Variants in RBFOX1 observed in about 807,000 individuals in gnomAD.
The protein encoded by RBFOX1 is RNA binding fox-1 homolog 1.
Under a neutral mutation model 57.7 loss-of-function variants are expected in RBFOX1, and 8 were observed. That is an observed-to-expected ratio of 0.14 (90% CI 0.08 to 0.25). RBFOX1 has a LOEUF of 0.25. Among genes scored for constraint, RBFOX1 ranks in the 10% least tolerant of loss-of-function variants. The probability of loss-of-function intolerance (pLI) is 1.00; values close to 1 mark genes in which losing one functional copy is unlikely to be tolerated. For synonymous variants in RBFOX1, 326 were observed against 222.4 expected, an observed-to-expected ratio of 1.47 and a Z score of -4.15; for missense variants, 611 against 548.5, an observed-to-expected ratio of 1.11 and a Z score of -1.14.
chr16:7,701,065 G>A (rs2148134477), intron 14 of RBFOX1, among the ~76,000 whole-genome samples: 1 of 152,248 alleles, frequency 6.6e-6, no homozygotes, highest in East Asian at 1.9e-4. Flanking sequence ...ACTTCTCAGG[G>A]GAGGCAGGGA....
intron 3 of RBFOX1, among the ~76,000 whole-genome samples, chr16:6,790,308 C>T (rs770795154): frequency 6.6e-6 from 1 of 151,798 alleles, no homozygotes; most frequent in Non-Finnish European, 1.5e-5. Flanking sequence ...CCTCAGCTTA[C>T]CGAGTAGCTG....
intron 2 of RBFOX1, among the ~76,000 whole-genome samples, chr16:6,540,692 G>C (rs931710570): frequency 2.7e-5 from 4 of 149,872 alleles, no homozygotes; most frequent in African/African-American, 9.8e-5. Flanking sequence ...TGTGGTGTCT[G>C]TGTTGACAAA....
At chr16:6,937,284 G>A (rs1470120199) in intron 3 of RBFOX1, among the ~76,000 whole-genome samples, 5 of 152,052 alleles carry the variant, frequency 3.3e-5, no homozygotes, top group African/African-American at 1.2e-4. Context: ...GACCAACACT[G>A]TTTCCTTTTT....
chr16:5,700,074 T>G (rs1039089941), intron 3 of RBFOX1, among the ~76,000 whole-genome samples: 5 of 152,160 alleles, frequency 3.3e-5, no homozygotes, highest in Admixed American at 3.3e-4. Flanking sequence ...CCTCATGATC[T>G]GCCCGCCTTG....
intron 3 of RBFOX1, among the ~76,000 whole-genome samples, chr16:5,730,408 G>A (rs2151559022): frequency 6.6e-6 from 1 of 152,298 alleles, no homozygotes; most frequent in East Asian, 1.9e-4. Flanking sequence ...AGGGTCTGTA[G>A]AGGGCATGGA....
chr16:7,557,518 G>T (rs1601752097), intron 5 of RBFOX1, among the ~76,000 whole-genome samples: 2 of 149,876 alleles, frequency 1.3e-5, no homozygotes, highest in East Asian at 3.9e-4. Flanking sequence ...TACTCGAGAG[G>T]CTGAGGCAGG....
chr16:6,658,211 C>G (rs73529844), intron 3 of RBFOX1, among the ~76,000 whole-genome samples: 1 of 151,860 alleles, frequency 6.6e-6, no homozygotes, highest in Non-Finnish European at 1.5e-5. Flanking sequence ...AGAAGATAAA[C>G]TGTGAATTTC....
At chr16:5,470,321 G>C (rs2069091918) in intron 2 of RBFOX1, among the ~76,000 whole-genome samples, 2 of 152,198 alleles carry the variant, frequency 1.3e-5, no homozygotes, top group Non-Finnish European at 2.9e-5. Context: ...CTCACCTAGA[G>C]GGACCAAATG....
At chr16:6,945,521 A>G (rs1308453925) in intron 3 of RBFOX1, among the ~76,000 whole-genome samples, 1 of 151,880 alleles carries the variant, frequency 6.6e-6, no homozygotes, top group Non-Finnish European at 1.5e-5. Context: ...GGAAAACACT[A>G]CCTGACCATG....
At chr16:6,553,957 G>A (rs1458505857) in intron 2 of RBFOX1, among the ~76,000 whole-genome samples, 4 of 152,148 alleles carry the variant, frequency 2.6e-5, no homozygotes, top group South Asian at 2.1e-4. Context: ...CCAGAGGGCA[G>A]GTACCAGGGT....
At chr16:6,572,948 G>C (rs8056378) in intron 2 of RBFOX1, among the ~76,000 whole-genome samples, 140,353 of 152,200 alleles carry the variant, frequency 0.92, 65,813 homozygotes, top group Non-Finnish European at 1. Context: ...TGGGAACTTA[G>C]CAGTGAACAA....
At chr16:6,058,772 C>T (rs932902926) in intron 1 of RBFOX1, among the ~76,000 whole-genome samples, 6 of 151,522 alleles carry the variant, frequency 4.0e-5, no homozygotes, top group Non-Finnish European at 7.4e-5. Context: ...CATTCATTCA[C>T]CCACCCACCC....
At chr16:6,588,801 C>T (rs1345275089) in intron 2 of RBFOX1, among the ~76,000 whole-genome samples, 1 of 152,196 alleles carries the variant, frequency 6.6e-6, no homozygotes, top group Non-Finnish European at 1.5e-5. Context: ...AGTTCAACTT[C>T]AGCACTTTGT....
Position 6,795,492 on chromosome 16 carries a change from G to A in RBFOX1, c.-16+140842G>A, listed in dbSNP as rs182670402. ...CTTAAAGAGAGACATTGTTGGCTGC[G>A]CACGTTGGCTCACGTCTGTAATCCC... is the stretch of plus-strand genomic sequence containing the variant. On this transcript the variant is annotated intron_variant, in intron 3 of 15. Transcript: ENST00000550418. 2.0e-3 allele frequency among the ~76,000 whole-genome samples: 301 copies of A among 152,138 alleles called. 2 individuals are homozygous for A. The Middle Eastern group carries it at 0.02, about 10-fold the overall frequency.
chr16:7,257,452 C>T (rs2094737060), intron 4 of RBFOX1, among the ~76,000 whole-genome samples: 2 of 152,100 alleles, frequency 1.3e-5, no homozygotes, highest in African/African-American at 4.8e-5. Context: ...AAATAGCAGC[C>T]ACTGGGAGCT....
intron 1 of RBFOX1, among the ~76,000 whole-genome samples, chr16:6,289,556 G>A (rs906080943): frequency 3.9e-5 from 6 of 152,150 alleles, no homozygotes; most frequent in African/African-American, 7.2e-5. Context: ...ATAGCTGGAA[G>A]ACTGTTCTCT....
chr16:6,640,163 A>C (rs1176925179), intron 2 of RBFOX1, among the ~76,000 whole-genome samples: 1 of 152,182 alleles, frequency 6.6e-6, no homozygotes, highest in Non-Finnish European at 1.5e-5. Flanking sequence ...CTACAGGTGA[A>C]ATTCAAATGC....
intron 15 of RBFOX1, chr16:7,710,068 C>T: frequency 1.0e-6 from 1 of 1,000,000 alleles, no homozygotes; most frequent in Non-Finnish European, 1.2e-6. Flanking sequence ...AGAAATTCAG[C>T]CATGATTTGG....
At chr16:7,689,781 G>T (rs944764845) in intron 14 of RBFOX1, among the ~76,000 whole-genome samples, 1 of 152,036 alleles carries the variant, frequency 6.6e-6, no homozygotes, top group Non-Finnish European at 1.5e-5. Context: ...CCATTAAGAG[G>T]AACAGGTAAG....
Sources: allele counts gnomAD v4.1 joint callset (sites outside exome capture counted in the v4.1 genomes callset), GRCh38; gene constraint gnomAD v4.1.1; transcripts MANE v1.5; gene names NCBI Gene and HGNC (gene_info 2026-07-23, HGNC 2026-07-21).